The following ZC3H18 variants were observed in gnomAD, a reference collection of about 807,000 sequenced individuals.
ZC3H18 encodes the protein zinc finger CCCH-type containing 18.
In ZC3H18, 8 loss-of-function variants were observed where a neutral mutation model predicts 106.1. That is an observed-to-expected ratio of 0.08 (90% CI 0.04 to 0.14). ZC3H18 has a LOEUF of 0.14. Among genes scored for constraint, ZC3H18 ranks in the 10% least tolerant of loss-of-function variants. ZC3H18 has a pLI of 1.00. For synonymous variants in ZC3H18, 635 were observed against 522.1 expected, an observed-to-expected ratio of 1.22 and a Z score of -2.95; for missense variants, 1,318 against 1,278.4, an observed-to-expected ratio of 1.03 and a Z score of -0.47.
intron 9 of ZC3H18, chr16:88,622,954 GCCACCCGGTAACAGCAGGCACACC>G (rs1486068210): frequency 3.8e-5 from 19 of 494,940 alleles, no homozygotes; most frequent in Non-Finnish European, 6.9e-5. Context: ...CTCAGGCAGC[GCCACCCGGTAACAGCAGGCACACC>G]CCACGCCCAG....
intron 1 of ZC3H18, among the ~76,000 whole-genome samples, chr16:88,575,684 A>G (rs550361660): frequency 1.3e-5 from 2 of 152,010 alleles, no homozygotes; most frequent in Admixed American, 6.6e-5. Context: ...AAAAATAGGA[A>G]TGAAGTCTGA....
chr16:88,608,745 C>G, intron 6 of ZC3H18, 189 bp from the exon 7 acceptor site: 2 of 474,224 alleles, frequency 4.2e-6, no homozygotes, highest in Non-Finnish European at 3.9e-6. Flanking sequence ...GTGAATAGAA[C>G]CCTTTGACTT....
At chr16:88,571,536 T>C in intron 1 of ZC3H18, 1 of 767,804 alleles carries the variant, frequency 1.3e-6, no homozygotes. Context: ...TTTTACTATC[T>C]AAGGGCAGTA....
At chr16:88,580,138 G>A (rs1362286523) in intron 2 of ZC3H18, among the ~76,000 whole-genome samples, 1 of 150,142 alleles carries the variant, frequency 6.7e-6, no homozygotes, top group Non-Finnish European at 1.5e-5. Flanking sequence ...CTGCCTCTCT[G>A]TCGTGACACA....
chr16:88,596,058 G>A (rs549290100), intron 3 of ZC3H18, among the ~76,000 whole-genome samples: 1 of 152,138 alleles, frequency 6.6e-6, no homozygotes, highest in African/African-American at 2.4e-5. Flanking sequence ...CTCTGGCCAG[G>A]GGCAGGACAG....
chr16:88,600,035 T>C (rs1904665312), intron 6 of ZC3H18, 87 bp downstream of exon 6: 1 of 1,508,096 alleles, frequency 6.6e-7, no homozygotes, highest in Non-Finnish European at 9.0e-7. Context: ...GGCCCCAGGG[T>C]GCGCTCGGCT....
At chr16:88,611,639 T>G in intron 8 of ZC3H18, 103 bp downstream of exon 8, 1 of 1,456,752 alleles carries the variant, frequency 6.9e-7, no homozygotes, top group Non-Finnish European at 9.1e-7. Context: ...CCCACAGCTC[T>G]GGAGCCCAGG....
chr16:88,599,970 C>T (rs367598340), intron 6 of ZC3H18, 22 bp downstream of exon 6: 1 of 1,611,384 alleles, frequency 6.2e-7, no homozygotes, highest in South Asian at 1.1e-5. Context: ...CCCTGCCTGC[C>T]CCTCCGTTTC....
intron 2 of ZC3H18, among the ~76,000 whole-genome samples, chr16:88,578,227 C>G (rs575727484): frequency 1.3e-5 from 2 of 152,296 alleles, no homozygotes; most frequent in South Asian, 4.1e-4. Flanking sequence ...GGAGAGGGCA[C>G]CAGCTGGGCC....
At chr16:88,601,873 G>A (rs1904765805) in intron 6 of ZC3H18, among the ~76,000 whole-genome samples, 1 of 152,060 alleles carries the variant, frequency 6.6e-6, no homozygotes, top group African/African-American at 2.4e-5. Flanking sequence ...GTGGCGAGGT[G>A]CCCTGGCTGT....
At position 88,570,425 on chromosome 16, in the gene ZC3H18, C is replaced by T. The variant is rs1914311365; in HGVS notation, c.-156C>T. The T allele has an allele frequency of 1.3e-5, 2 of 152,040 alleles. No individual in the cohort carries two copies. The highest frequency in any genetic ancestry group is 2.1e-4 in the South Asian group (1 of 4,830). 9.4% of individuals were successfully genotyped at this position (152,040 alleles called of 1,614,324 possible). ...GATGACGTCGCACAATGGCCGGCCC[C>T]CGCGGGTAGTGGAGCCCGTTTGTTC... On this transcript the variant is annotated 5_prime_UTR_variant, in exon 1 of 18. Coordinates refer to ENST00000301011, the MANE Select transcript of ZC3H18 (RefSeq NM_144604.4).
chr16:88,587,141 G>T (rs1430617444), intron 3 of ZC3H18, among the ~76,000 whole-genome samples: 1 of 152,244 alleles, frequency 6.6e-6, no homozygotes, highest in Non-Finnish European at 1.5e-5. Flanking sequence ...GAAATGGCCA[G>T]AGATGGCCGC....
chr16:88,573,164 A>C (rs1396966678), intron 1 of ZC3H18, among the ~76,000 whole-genome samples: 2 of 152,106 alleles, frequency 1.3e-5, no homozygotes, highest in African/African-American at 2.4e-5. Flanking sequence ...ACTATAAAAC[A>C]TGAGAATCAG....
rs1248803463 is a variant in ZC3H18, at chr16:88,622,222, G to A, written c.1501G>A (p.Glu501Lys). Residue 501 changes from glutamate (E) to lysine (K), a missense_variant, in exon 9 of 18, where the codon GAG (glutamate) becomes AAG (lysine). By Grantham distance (56) the Glu-to-Lys change is moderately conservative (BLOSUM62 1). Coordinates refer to ENST00000301011, the MANE Select transcript of ZC3H18 (RefSeq NM_144604.4). Reference sequence around the variant, plus strand: ...CCGCCAAGCTGAGCCACCAAAGAAGGAGGCTGCCACCACGGGGCCGCAGGT... The same window carrying A: ...CCGCCAAGCTGAGCCACCAAAGAAGAAGGCTGCCACCACGGGGCCGCAGGT... ...PSRQAEPPKK[E>K]AATTGPQVKR... is the part of the protein sequence containing the mutation. 3 of 1,610,656 alleles carry A rather than the reference G, an allele frequency of 1.9e-6. No individual in the cohort carries two copies. The highest frequency in any genetic ancestry group is 2.5e-6 in the Non-Finnish European group (3 of 1,177,730).
In ZC3H18 at chr16:88,627,959, G is replaced by A. The variant is rs372155009; in HGVS notation, c.2309G>A (p.Arg770Gln). ...KKEDGVKEEK[R>Q]KRDSSTQPPK... ...GAAGACGGTGTTAAAGAGGAAAAGC[G>A]GAAAAGGGATTCGTCCACACAACCA... Residue 770 changes from arginine (R) to glutamine (Q), a missense_variant, in exon 15 of 18, where the codon CGG (arginine) becomes CAG (glutamine). Arg to Gln is a conservative substitution (Grantham distance 43, BLOSUM62 1). Transcript: ENST00000301011. The surrounding 1 kb of genome is among the most constrained non-coding windows in gnomAD (Gnocchi z 4.5). 9.9e-6 allele frequency: 16 copies of A among 1,613,998 alleles called. No homozygotes were observed. The highest frequency in any genetic ancestry group is 4.0e-5 in the African/African-American group (3 of 74,916).
intron 3 of ZC3H18, among the ~76,000 whole-genome samples, chr16:88,595,820 T>G (rs200800225): frequency 6.3e-4 from 93 of 147,892 alleles, no homozygotes; most frequent in African/African-American, 2.2e-3. Flanking sequence ...AAAAAAAAAT[T>G]AAAAAAAGGA....
In ZC3H18 at chr16:88,577,245, C is replaced by T. The variant is rs149791821; in HGVS notation, c.122C>T (p.Ala41Val). The T allele has an allele frequency of 9.8e-4, 1,583 of 1,609,604 alleles. 3 individuals carry two copies. Among genetic ancestry groups the T allele is most frequent in the Admixed American group, 1.2e-3 (71 of 59,302 alleles). Residue 41 changes from alanine (A) to valine (V), a missense_variant, in exon 2 of 18, where the codon GCG becomes GTG. Around this residue, in one of 6 missense-constraint regions of ZC3H18, gnomAD observed 346 missense variants for 269.0 expected, o/e 1.29. Coordinates refer to ENST00000301011, the MANE Select transcript of ZC3H18 (RefSeq NM_144604.4). ...GGGTCCGATCAGGATTTGGACGGGG[C>T]GGGGGTGAGGGCTTCTGATCTGGAG... ...DSGSDQDLDGAGVRASDLEDE... is the reference protein window; with the variant it reads ...DSGSDQDLDGVGVRASDLEDE...
chr16:88,571,605 C>G (rs775319275), intron 1 of ZC3H18: 193 of 985,272 alleles, frequency 2.0e-4, no homozygotes, highest in Non-Finnish European at 2.1e-4. Flanking sequence ...AACTCCTCTC[C>G]CGTTGTAGGT....
At chr16:88,612,977 TGG>T (rs1905357363) in intron 8 of ZC3H18, among the ~76,000 whole-genome samples, 1 of 152,190 alleles carries the variant, frequency 6.6e-6, no homozygotes, top group Non-Finnish European at 1.5e-5. Context: ...CACTCTAGCC[TGG>T]GTAATAGAGC....
Sources: gnomAD v4.1 joint callset for allele counts (sites outside exome capture counted in the v4.1 genomes callset) on GRCh38, gnomAD v4.1.1 for gene constraint, gnomAD v4.1.1 regional missense constraint, Gnocchi (gnomAD v3.1) non-coding constraint, MANE v1.5 for transcripts, NCBI Gene and HGNC (gene_info 2026-07-23, HGNC 2026-07-21) for gene names.